The following PAPPA variants were observed in gnomAD, a reference collection of about 807,000 sequenced individuals.
PAPPA encodes pappalysin 1.
Under a neutral mutation model 164.0 loss-of-function variants are expected in PAPPA, and 60 were observed. That is an observed-to-expected ratio of 0.37 (90% CI 0.30 to 0.45). PAPPA has a LOEUF of 0.45. Ranked by LOEUF, PAPPA falls within the 20% of genes least tolerant of loss-of-function variation. PAPPA has a pLI of 1.00. For synonymous variants in PAPPA, 875 were observed against 814.1 expected (o/e 1.07, Z -1.27); for missense variants, 1,782 against 2,087.3 (o/e 0.85, Z 2.85).
chr9:116,371,881 A>G (rs1326754541), intron 19 of PAPPA, among the ~76,000 whole-genome samples: 1 of 151,986 alleles, frequency 6.6e-6, no homozygotes, highest in Non-Finnish European at 1.5e-5. Context: ...TTTGTTCTCT[A>G]TTGCTATGGA....
intron 20 of PAPPA, among the ~76,000 whole-genome samples, chr9:116,381,995 C>T (rs1041050614): frequency 1.3e-5 from 2 of 152,088 alleles, no homozygotes; most frequent in African/African-American, 2.4e-5. Flanking sequence ...TTACAAATTA[C>T]GTTTTTAATT....
intron 7 of PAPPA, among the ~76,000 whole-genome samples, chr9:116,260,533 T>A (rs1844989055): frequency 1.3e-5 from 2 of 152,154 alleles, no homozygotes; most frequent in African/African-American, 4.8e-5. Context: ...TCATCCTAGG[T>A]GGTCCCATCT....
intron 9 of PAPPA, among the ~76,000 whole-genome samples, chr9:116,295,553 C>A (rs78783858): frequency 8.7e-3 from 1,000 of 114,286 alleles, no homozygotes; most frequent in Middle Eastern, 0.018. Flanking sequence ...GACTCGGTCT[C>A]AAAAAAAAAA....
chr9:116,223,827 C>T (rs1484816337), intron 5 of PAPPA, among the ~76,000 whole-genome samples: 2 of 152,188 alleles, frequency 1.3e-5, no homozygotes, highest in African/African-American at 4.8e-5. Context: ...CACTCCCAGT[C>T]AATGGGACCT....
At chr9:116,204,580 A>C (rs1371962343) in intron 2 of PAPPA, among the ~76,000 whole-genome samples, 1 of 151,742 alleles carries the variant, frequency 6.6e-6, no homozygotes, top group East Asian at 1.9e-4. Flanking sequence ...TGCCCAGCTA[A>C]ATTTTTTGAA....
At chr9:116,306,171 G>C (rs1221026272) in intron 10 of PAPPA, among the ~76,000 whole-genome samples, 1 of 152,200 alleles carries the variant, frequency 6.6e-6, no homozygotes, top group Non-Finnish European at 1.5e-5. Context: ...TTCTGTGCTA[G>C]AGCCTGTGGA....
rs1239923659 is a variant in PAPPA at position 116,211,707 on chromosome 9, G to A, written c.1693G>A (p.Gly565Ser). 2 of 1,614,060 alleles carry A rather than the reference G, an allele frequency of 1.2e-6. No homozygotes were observed. Among genetic ancestry groups the A allele is most frequent in the Non-Finnish European group, 1.7e-6 (2 of 1,179,978 alleles). Residue 565 changes from glycine (G) to serine (S), a missense_variant, in exon 4 of 22, where the codon GGT (glycine) becomes AGT (serine). Physicochemically the swap from Gly to Ser is moderately conservative, Grantham distance 56. Around this residue, in one of 2 missense-constraint regions of PAPPA, gnomAD observed 1,324 missense variants for 1,656.9 expected, o/e 0.80. Transcript: ENST00000328252. ...CACCCACACCATGATCCATGAGATT[G>A]GTCACAGCCTGGGCCTCTATCACGT... ...GHTHTMIHEI[G>S]HSLGLYHVFR... is the part of the protein sequence containing the mutation.
rs1444705041 is a variant in PAPPA at position 116,398,584 on chromosome 9, A to G, written c.*1968A>G. 4 of 1,270,792 alleles carry G rather than the reference A, an allele frequency of 3.1e-6. No homozygotes were observed. The highest frequency in any genetic ancestry group is 2.3e-5 in the Admixed American group (1 of 43,524). The allele number at this position is 1,270,792 out of a possible 1,614,324, so 78.7% of individuals were successfully genotyped here. A position where few individuals can be genotyped will look rare whatever the true frequency, so the allele number is the denominator to read the frequency against. On this transcript the variant is annotated 3_prime_UTR_variant, in exon 22 of 22. Transcript: ENST00000328252. ...ATCAAAAACACTTGAGAAGACATCTATTGGCCATCTCTGGCCAATTACACT... is the reference window on the plus strand; with the variant it reads ...ATCAAAAACACTTGAGAAGACATCTGTTGGCCATCTCTGGCCAATTACACT...
chr9:116,391,812 C>CA (rs1438689187), intron 21 of PAPPA, among the ~76,000 whole-genome samples: 1 of 152,182 alleles, frequency 6.6e-6, no homozygotes, highest in African/African-American at 2.4e-5. Flanking sequence ...AACTGGCCAC[C>CA]ATGGTGTTCA....
intron 19 of PAPPA, among the ~76,000 whole-genome samples, chr9:116,368,042 A>C (rs1270893866): frequency 6.6e-6 from 1 of 152,174 alleles, no homozygotes; most frequent in Non-Finnish European, 1.5e-5. Flanking sequence ...CAGCCTAGGA[A>C]TAAACTGAGG....
intron 10 of PAPPA, among the ~76,000 whole-genome samples, chr9:116,326,878 T>C (rs1845926882): frequency 6.6e-6 from 1 of 152,256 alleles, no homozygotes; most frequent in Non-Finnish European, 1.5e-5. Context: ...AGCATAATGT[T>C]CTCAAAGTTC....
intron 7 of PAPPA, among the ~76,000 whole-genome samples, chr9:116,250,969 C>T (rs1276840274): frequency 6.6e-5 from 10 of 152,116 alleles, no homozygotes; most frequent in Admixed American, 5.2e-4. Context: ...GACATAGTAA[C>T]GTCATGGCAG....
At chr9:116,199,947 G>A (rs1042691316) in intron 2 of PAPPA, among the ~76,000 whole-genome samples, 28 of 152,092 alleles carry the variant, frequency 1.8e-4, no homozygotes, top group Admixed American at 6.6e-4. Flanking sequence ...AATTAGTAGA[G>A]TAAGAACTCA....
intron 1 of PAPPA, among the ~76,000 whole-genome samples, chr9:116,159,445 G>C (rs953243614): frequency 6.6e-6 from 1 of 152,094 alleles, no homozygotes; most frequent in African/African-American, 2.4e-5. Context: ...GTATCTTGGG[G>C]AACAATTAGA....
chr9:116,380,786 G>T (rs1198615646), intron 20 of PAPPA, among the ~76,000 whole-genome samples: 1 of 152,184 alleles, frequency 6.6e-6, no homozygotes, highest in Non-Finnish European at 1.5e-5. Flanking sequence ...GTAGAGTGAT[G>T]AAATGAAATC....
At chr9:116,385,353 A>G (rs1412437682) in intron 21 of PAPPA, among the ~76,000 whole-genome samples, 2 of 152,238 alleles carry the variant, frequency 1.3e-5, no homozygotes, top group Non-Finnish European at 2.9e-5. Flanking sequence ...CTGTAGAGAG[A>G]GAATCCATTT....
Position 116,173,211 on chromosome 9 carries a change from CG to C in PAPPA, c.416-13942del, listed in dbSNP as rs758946095. Among the ~76,000 whole-genome samples the C allele has an allele frequency of 5.4e-4, 82 of 152,272 alleles. No individual in the cohort carries two copies. In the Middle Eastern group the frequency reaches 0.02, roughly 38 times the overall value. ...TATTTATCCATTTAGAGCCTTAAAG[CG>C]TTTTTTGAGTTGAGTTATTTATAAT... is the stretch of plus-strand genomic sequence containing the variant. On this transcript the variant is annotated intron_variant, in intron 1 of 21. Transcript: ENST00000328252.
At position 116,380,252 on chromosome 9, in the gene PAPPA, A is replaced by G. The variant is rs533177398; in HGVS notation, c.4678-2143A>G. Reference sequence around the variant, plus strand: ...TTTTCCTTAGCATAATGTGTAACACATCGTAGGAATTAAATACATAGGATG... The same window carrying G: ...TTTTCCTTAGCATAATGTGTAACACGTCGTAGGAATTAAATACATAGGATG... On this transcript the variant is annotated intron_variant, in intron 20 of 21. Coordinates refer to ENST00000328252, the MANE Select transcript of PAPPA (RefSeq NM_002581.5). 2.1e-3 allele frequency among the ~76,000 whole-genome samples: 327 copies of G among 152,304 alleles called. 1 individual carries two copies. The highest frequency in any genetic ancestry group is 7.7e-3 in the African/African-American group (320 of 41,574).
At chr9:116,162,035 C>A (rs1843670180) in intron 1 of PAPPA, among the ~76,000 whole-genome samples, 1 of 152,090 alleles carries the variant, frequency 6.6e-6, no homozygotes, top group African/African-American at 2.4e-5. Flanking sequence ...GGCTTCAGAT[C>A]TGAGGAGCTC....
Sources: gnomAD v4.1 joint callset for allele counts (sites outside exome capture counted in the v4.1 genomes callset) on GRCh38, gnomAD v4.1.1 for gene constraint, gnomAD v4.1.1 regional missense constraint, MANE v1.5 for transcripts, NCBI Gene and HGNC (gene_info 2026-07-23, HGNC 2026-07-21) for gene names.